Variants in CHST3 observed in about 807,000 individuals in gnomAD.
The protein encoded by CHST3 is C6ST-1.
CHST3 carries 20 observed loss-of-function variants against 35.4 expected under a neutral mutation model. The ratio of observed to expected loss-of-function variants is 0.57; its 90% CI spans 0.40 to 0.82. The LOEUF is 0.82. CHST3 is among the 40% of genes least tolerant of loss of function. CHST3 has a pLI of 0.00. For missense variants in CHST3, 693 were observed against 670.1 expected, an observed-to-expected ratio of 1.03 and a Z score of -0.38; for synonymous variants, 334 against 295.9, an observed-to-expected ratio of 1.13 and a Z score of -1.32.
At position 72,011,622 on chromosome 10, in the gene CHST3, A is replaced by C. The variant is rs2131781297; in HGVS notation, c.*3151A>C. The C allele has an allele frequency of 6.6e-6, 1 of 152,378 alleles. No individual in the cohort carries two copies. The highest frequency in any genetic ancestry group is 1.9e-4 in the East Asian group (1 of 5,192). 9.4% of individuals were successfully genotyped at this position (152,378 alleles called of 1,614,324 possible). On this transcript the variant is annotated 3_prime_UTR_variant, in exon 3 of 3. Coordinates refer to ENST00000373115, the MANE Select transcript of CHST3 (RefSeq NM_004273.5). ...TGCCCGGAGACAGAGGGAGCAGCTG[A>C]GGCCTCTCTCCACTGGCCGCCAGCC...
intron 1 of CHST3, among the ~76,000 whole-genome samples, chr10:72,001,640 C>G (rs1466394503): frequency 1.3e-5 from 2 of 151,966 alleles, no homozygotes; most frequent in African/African-American, 4.8e-5. Flanking sequence ...CACCTGGCTA[C>G]TTCTTGTATT....
At chr10:71,980,783 T>C (rs919121392) in intron 1 of CHST3, among the ~76,000 whole-genome samples, 20 of 152,284 alleles carry the variant, frequency 1.3e-4, no homozygotes, top group African/African-American at 4.6e-4. Context: ...ATTGAATGGA[T>C]GAGAATTGCT....
In CHST3 at chr10:72,005,753, C is replaced by T. The variant is rs1840031815; in HGVS notation, c.-90C>T. ...CTCCGCAGGACAAGGGTGTCCCCCA[C>T]CTGAAGACGGCAAGCTGGGTCCTGA... On this transcript the variant is annotated 5_prime_UTR_variant, in exon 2 of 3. Transcript: ENST00000373115. 2 of 1,555,716 alleles carry T rather than the reference C, an allele frequency of 1.3e-6. No individual in the cohort carries two copies. Among genetic ancestry groups the T allele is most frequent in the Non-Finnish European group, 1.8e-6 (2 of 1,130,168 alleles).
chr10:72,002,993 CA>C (rs1458329676), intron 1 of CHST3, among the ~76,000 whole-genome samples: 21 of 152,208 alleles, frequency 1.4e-4, no homozygotes, highest in African/African-American at 4.1e-4. Context: ...CAAGGTACAC[CA>C]AGAAGCTCAA....
chr10:71,998,142 C>A (rs1047402371), intron 1 of CHST3, among the ~76,000 whole-genome samples: 2 of 152,090 alleles, frequency 1.3e-5, no homozygotes, highest in Admixed American at 6.6e-5. Flanking sequence ...CTGTCCCCCC[C>A]AAAAATAAAT....
chr10:71,988,938 G>T (rs2131752579), intron 1 of CHST3, among the ~76,000 whole-genome samples: 1 of 152,236 alleles, frequency 6.6e-6, no homozygotes, highest in East Asian at 1.9e-4. Context: ...CGAGGCAGGT[G>T]GATCACTTGA....
intron 1 of CHST3, among the ~76,000 whole-genome samples, chr10:71,986,158 C>T (rs572603409): frequency 1.2e-4 from 19 of 152,344 alleles, no homozygotes; most frequent in Non-Finnish European, 2.5e-4. Flanking sequence ...CCACTCTGGC[C>T]TTGCTGATAG....
intron 1 of CHST3, among the ~76,000 whole-genome samples, chr10:71,965,806 G>C (rs1839627225): frequency 6.6e-6 from 1 of 152,136 alleles, no homozygotes; most frequent in South Asian, 2.1e-4. Flanking sequence ...AGCAGAGAAG[G>C]GGGCCTGAGT....
At chr10:72,000,471 T>A (rs1839982262) in intron 1 of CHST3, among the ~76,000 whole-genome samples, 1 of 151,990 alleles carries the variant, frequency 6.6e-6, no homozygotes, top group South Asian at 2.1e-4. Flanking sequence ...AGGGAAGTAC[T>A]CCAGAGCTGG....
intron 1 of CHST3, among the ~76,000 whole-genome samples, chr10:71,983,536 T>C (rs1177520405): frequency 6.6e-6 from 1 of 152,158 alleles, no homozygotes; most frequent in Non-Finnish European, 1.5e-5. Flanking sequence ...CTGCAACCTC[T>C]GCCTCCCGGG....
At chr10:71,977,530 G>A (rs1839758048) in intron 1 of CHST3, among the ~76,000 whole-genome samples, 1 of 149,914 alleles carries the variant, frequency 6.7e-6, no homozygotes, top group African/African-American at 2.5e-5. Flanking sequence ...GCTCACTGCA[G>A]CCTTGACCTC....
At chr10:72,006,068 C>T in intron 2 of CHST3, 86 bp downstream of exon 2, 1 of 1,531,278 alleles carries the variant, frequency 6.5e-7, no homozygotes, top group Non-Finnish European at 9.0e-7. Context: ...TCTCTGTGGA[C>T]CTGCAAATGC....
At chr10:72,000,140 T>C (rs535753683) in intron 1 of CHST3, among the ~76,000 whole-genome samples, 1 of 152,326 alleles carries the variant, frequency 6.6e-6, no homozygotes, top group Non-Finnish European at 1.5e-5. Flanking sequence ...AATTGCCTTT[T>C]TTTCTTCCTC....
At chr10:71,996,445 T>A (rs899412854) in intron 1 of CHST3, among the ~76,000 whole-genome samples, 2 of 112,372 alleles carry the variant, frequency 1.8e-5, no homozygotes, top group Non-Finnish European at 3.8e-5. Flanking sequence ...AACGTATGTG[T>A]CTCTGCGTGT....
intron 1 of CHST3, among the ~76,000 whole-genome samples, chr10:71,965,045 A>T (rs1192407765): frequency 6.6e-6 from 1 of 152,018 alleles, no homozygotes; most frequent in Non-Finnish European, 1.5e-5. Flanking sequence ...GCACGTCCTC[A>T]CACCCCTCCG....
At chr10:71,978,614 C>G (rs551587143) in intron 1 of CHST3, among the ~76,000 whole-genome samples, 31 of 152,330 alleles carry the variant, frequency 2.0e-4, no homozygotes, top group African/African-American at 7.2e-4. Flanking sequence ...GCGCACACAT[C>G]GATCATTTAG....
Position 72,008,426 on chromosome 10 carries a change from CTCAG to C in CHST3, c.1400_1403del (p.Val467AlafsTer50). 6.4e-7 allele frequency: 1 copy of C among 1,572,212 alleles called. No individual in the cohort carries two copies. Among genetic ancestry groups the C allele is most frequent in the Non-Finnish European group, 8.6e-7 (1 of 1,159,364 alleles). On this transcript the variant is annotated frameshift_variant, in exon 3 of 3. Coordinates refer to ENST00000373115, the MANE Select transcript of CHST3 (RefSeq NM_004273.5). LOFTEE classifies it high-confidence loss of function. ...GGGACGCCGCCGCCCTCACCAACCG[CTCAG>C]TCAGCCTGCTGGAGGAGAGGGGCAC... is the stretch of plus-strand genomic sequence containing the variant.
intron 1 of CHST3, among the ~76,000 whole-genome samples, chr10:72,003,220 T>C (rs749222866): frequency 6.6e-6 from 1 of 152,212 alleles, no homozygotes; most frequent in African/African-American, 2.4e-5. Context: ...ATATCATTGG[T>C]TGGCCCTCCC....
chr10:71,985,394 C>G (rs1839838731), intron 1 of CHST3, among the ~76,000 whole-genome samples: 1 of 152,180 alleles, frequency 6.6e-6, no homozygotes, highest in African/African-American at 2.4e-5. Flanking sequence ...CTGTTTTTCT[C>G]CCCCTGCCAT....
Sources: gnomAD v4.1 joint callset for allele counts (sites outside exome capture counted in the v4.1 genomes callset) on GRCh38, gnomAD v4.1.1 for gene constraint, MANE v1.5 for transcripts, NCBI Gene and HGNC (gene_info 2026-07-23, HGNC 2026-07-21) for gene names.